Variants in TEX11 observed in about 807,000 individuals in gnomAD.
TEX11 encodes the protein testis-expressed protein 11.
In TEX11, 7 loss-of-function variants were observed where a neutral mutation model predicts 84.4. The ratio of observed to expected loss-of-function variants is 0.08; its 90% CI spans 0.05 to 0.16. The LOEUF (loss-of-function observed/expected upper bound fraction) is 0.16. Among genes scored for constraint, TEX11 ranks in the 10% least tolerant of loss-of-function variants. The probability of loss-of-function intolerance (pLI) is 1.00; values close to 1 mark genes in which losing one functional copy is unlikely to be tolerated. For synonymous variants in TEX11, 264 were observed against 222.8 expected (o/e 1.18, Z -1.64); for missense variants, 551 against 660.5 (o/e 0.83, Z 1.82).
chrX:70,590,437 G>T (rs1462693933), intron 25 of TEX11, among the ~76,000 whole-genome samples: 1 of 111,200 alleles, frequency 9.0e-6, no homozygotes, highest in Non-Finnish European at 1.9e-5. Flanking sequence ...ACCAAATAGG[G>T]TTTATTCCAG....
the TEX11 span, among the ~76,000 whole-genome samples, chrX:70,512,091 T>A: frequency 9.3e-6 from 1 of 107,923 alleles, no homozygotes; most frequent in East Asian, 2.9e-4. Flanking sequence ...GCAAATACAC[T>A]GAACCCACTG....
intron 4 of TEX11, among the ~76,000 whole-genome samples, chrX:70,868,995 A>G (rs921880258): frequency 2.8e-5 from 3 of 106,988 alleles, no homozygotes; most frequent in African/African-American, 1.0e-4. Flanking sequence ...ATACCTATGT[A>G]ACAAGCCTGC....
chrX:70,826,183 T>C (rs969018037), intron 8 of TEX11, among the ~76,000 whole-genome samples: 2 of 108,152 alleles, frequency 1.8e-5, no homozygotes, highest in Non-Finnish European at 3.8e-5. Flanking sequence ...TGGTGGCTCA[T>C]GCCTGTAATC....
the TEX11 span, among the ~76,000 whole-genome samples, chrX:70,523,654 C>T: frequency 1.8e-5 from 2 of 109,323 alleles, no homozygotes; most frequent in East Asian, 2.9e-4. Flanking sequence ...TTAGTAGAGA[C>T]GGGGTTTCAC....
At chrX:70,582,804 GGCACAATCTTGGCTCACT>G (rs1244835111) in intron 25 of TEX11, among the ~76,000 whole-genome samples, 1 of 107,250 alleles carries the variant, frequency 9.3e-6, no homozygotes, top group Non-Finnish European at 1.9e-5. Context: ...GGAGTGCAGT[GGCACAATCTTGGCTCACT>G]GCAATCTCCA....
chrX:70,708,401 G>T (rs1036544441), intron 13 of TEX11, among the ~76,000 whole-genome samples: 4 of 111,528 alleles, frequency 3.6e-5, no homozygotes, highest in Non-Finnish European at 7.6e-5. Context: ...ATTCCTCAGA[G>T]AACTTAAAAC....
At chrX:70,599,536 A>G (rs1350683479) in intron 24 of TEX11, among the ~76,000 whole-genome samples, 4 of 110,573 alleles carry the variant, frequency 3.6e-5, no homozygotes, top group African/African-American at 1.3e-4. Context: ...TTTTATTATT[A>G]TACTTTAAGT....
At chrX:70,525,586 C>CAA (rs58514385), downstream of TEX11, among the ~76,000 whole-genome samples, 7 of 89,372 alleles carry the variant, frequency 7.8e-5, no homozygotes, top group Non-Finnish European at 1.4e-4. Flanking sequence ...GACCCTATCT[C>CAA]AAAAAAAAAA....
intron 8 of TEX11, among the ~76,000 whole-genome samples, chrX:70,818,411 G>A (rs1049614252): frequency 1.3e-4 from 15 of 111,627 alleles, no homozygotes; most frequent in Non-Finnish European, 5.7e-5. Flanking sequence ...TATTTTGCCT[G>A]CATCACCCCA....
intron 9 of TEX11, among the ~76,000 whole-genome samples, chrX:70,757,233 AG>A (rs1444592305): frequency 3.6e-5 from 4 of 111,699 alleles, no homozygotes; most frequent in African/African-American, 1.3e-4. Context: ...CAACCTAGCA[AG>A]GCAGGTCAAC....
At chrX:70,840,321 T>A (rs2091434673) in intron 7 of TEX11, among the ~76,000 whole-genome samples, 1 of 111,602 alleles carries the variant, frequency 9.0e-6, no homozygotes, top group Non-Finnish European at 1.9e-5. Flanking sequence ...TGGGGACCAA[T>A]ATTCAACATT....
intron 24 of TEX11, among the ~76,000 whole-genome samples, chrX:70,605,003 C>A (rs2089179010): frequency 9.0e-6 from 1 of 111,394 alleles, no homozygotes; most frequent in Non-Finnish European, 1.9e-5. Flanking sequence ...AGAAGAAAAA[C>A]CAGATAAGTA....
At chrX:70,594,685 T>G (rs1166891175) in intron 24 of TEX11, among the ~76,000 whole-genome samples, 2 of 110,981 alleles carry the variant, frequency 1.8e-5, no homozygotes, top group African/African-American at 6.5e-5. Flanking sequence ...ATAATCCCCA[T>G]GTGTGGTGCG....
chrX:70,614,110 T>C (rs1457542949), intron 20 of TEX11, among the ~76,000 whole-genome samples: 1 of 111,351 alleles, frequency 9.0e-6, no homozygotes, highest in African/African-American at 3.3e-5. Flanking sequence ...ATCCACCACA[T>C]TCCCAGCTAT....
At chrX:70,809,199 A>G (rs1249787417) in intron 8 of TEX11, among the ~76,000 whole-genome samples, 1 of 112,330 alleles carries the variant, frequency 8.9e-6, no homozygotes, top group African/African-American at 3.2e-5. Context: ...ACATTCTAAC[A>G]TACTAAAAAG....
At chrX:70,852,936 T>C (rs867253625) in intron 7 of TEX11, 98 bp downstream of exon 7, 1 of 830,201 alleles carries the variant, frequency 1.2e-6, no homozygotes, top group Middle Eastern at 3.4e-4. Context: ...AAAAGGCCAG[T>C]GACATCTGAC....
chrX:70,665,897 T>A (rs1448586818), intron 16 of TEX11, among the ~76,000 whole-genome samples: 1 of 112,340 alleles, frequency 8.9e-6, no homozygotes, highest in African/African-American at 3.2e-5. Flanking sequence ...CACTCACAGA[T>A]CTTAATCACT....
intron 16 of TEX11, among the ~76,000 whole-genome samples, chrX:70,664,522 T>G (rs2089959851): frequency 8.9e-6 from 1 of 111,747 alleles, no homozygotes; most frequent in African/African-American, 3.2e-5. Flanking sequence ...TATATTCCTA[T>G]TCTAAGTTCA....
chrX:70,713,478 T>A (rs969006601), intron 13 of TEX11, among the ~76,000 whole-genome samples: 3 of 112,067 alleles, frequency 2.7e-5, no homozygotes, highest in Non-Finnish European at 5.6e-5. Context: ...AGCCTGTTAT[T>A]GGTCTATTCA....
Sources: gnomAD v4.1 joint callset for allele counts (sites outside exome capture counted in the v4.1 genomes callset) on GRCh38, gnomAD v4.1.1 for gene constraint, MANE v1.5 for transcripts, NCBI Gene and HGNC (gene_info 2026-07-23, HGNC 2026-07-21) for gene names.